CCR3: variants seen among roughly 807,000 people sequenced by gnomAD.
CCR3 encodes the protein C-C motif chemokine receptor 3.
For synonymous variants in CCR3, 203 were observed against 179.2 expected (o/e 1.13, Z -1.06); for missense variants, 419 against 437.5 (o/e 0.96, Z 0.38).
chr3:46,218,472 A>G (rs1699800199), intron 2 of CCR3, among the ~76,000 whole-genome samples: 1 of 152,164 alleles, frequency 6.6e-6, no homozygotes, highest in Admixed American at 6.5e-5. Flanking sequence ...AAATCATTCT[A>G]TGAAGCTAGT....
At chr3:46,229,353 G>A (rs1699936492) in intron 2 of CCR3, among the ~76,000 whole-genome samples, 2 of 152,202 alleles carry the variant, frequency 1.3e-5, no homozygotes. Context: ...ACACTCCTAA[G>A]TGTTTAAGTC....
At position 46,265,445 on chromosome 3, in the gene CCR3, G is replaced by A; in HGVS notation, c.287G>A (p.Gly96Glu). 4 of 1,614,120 alleles carry A rather than the reference G, an allele frequency of 2.5e-6. No homozygotes were observed. Among genetic ancestry groups the A allele is most frequent in the Non-Finnish European group, 2.5e-6 (3 of 1,180,014 alleles). The change falls in exon 2 of 2, where the codon GGG becomes GAG. Residue 96 changes from glycine (G) to glutamate (E), a missense_variant. By Grantham distance (98) the Gly-to-Glu change is moderately conservative (BLOSUM62 -2). Coordinates refer to ENST00000395940, the MANE Select transcript of CCR3 (RefSeq NM_178329.3). ...CCATTCTGGATCCACTATGTCAGGGGGCATAACTGGGTTTTTGGCCATGGC... is the reference window on the plus strand; with the variant it reads ...CCATTCTGGATCCACTATGTCAGGGAGCATAACTGGGTTTTTGGCCATGGC... ...TLPFWIHYVRGHNWVFGHGMC... is the reference protein window; with the variant it reads ...TLPFWIHYVREHNWVFGHGMC...
At chr3:46,211,914 C>T (rs942050430) in intron 2 of CCR3, among the ~76,000 whole-genome samples, 7 of 152,176 alleles carry the variant, frequency 4.6e-5, no homozygotes, top group Non-Finnish European at 1.0e-4. Flanking sequence ...CAATAAGGTG[C>T]ACACCTGAAG....
At chr3:46,244,512 GTAGA>G (rs1375688302) in intron 1 of CCR3, among the ~76,000 whole-genome samples, 5 of 152,168 alleles carry the variant, frequency 3.3e-5, no homozygotes, top group Middle Eastern at 3.2e-3. Flanking sequence ...TAGGATTTGG[GTAGA>G]TAAAGGAAAA....
intron 2 of CCR3, among the ~76,000 whole-genome samples, chr3:46,222,515 C>T (rs1047142774): frequency 3.9e-5 from 6 of 152,244 alleles, no homozygotes; most frequent in African/African-American, 1.4e-4. Context: ...CTCCAGAGTC[C>T]CTTAATCTTT....
rs199999286 is a variant in CCR3, at chr3:46,265,592, G to A, written c.434G>A (p.Arg145Gln). The change falls in exon 2 of 2, where the codon CGG becomes CAG. Residue 145 changes from arginine (R) to glutamine (Q), a missense_variant. Coordinates refer to ENST00000395940, the MANE Select transcript of CCR3 (RefSeq NM_178329.3). ...CATGCTGTGTTTGCCCTTCGAGCCC[G>A]GACTGTCACTTTTGGTGTCATCACC... ...IVHAVFALRA[R>Q]TVTFGVITSI... 1.1e-4 allele frequency: 171 copies of A among 1,613,952 alleles called. No individual in the cohort carries two copies. The highest frequency in any genetic ancestry group is 1.3e-4 in the Non-Finnish European group (149 of 1,180,024).
At chr3:46,264,844 C>A in intron 1 of CCR3, 1 of 397,362 alleles carries the variant, frequency 2.5e-6, no homozygotes, top group South Asian at 4.2e-5. Flanking sequence ...CTGTTTTTTC[C>A]TGTTTTGTAT....
chr3:46,225,123 C>T (rs1699879555), intron 2 of CCR3, among the ~76,000 whole-genome samples: 1 of 152,186 alleles, frequency 6.6e-6, no homozygotes, highest in African/African-American at 2.4e-5. Context: ...ATTGCTACTG[C>T]ATGCTACATA....
intron 2 of CCR3, among the ~76,000 whole-genome samples, chr3:46,221,562 A>C (rs1171654856): frequency 6.6e-6 from 1 of 152,204 alleles, no homozygotes; most frequent in Non-Finnish European, 1.5e-5. Flanking sequence ...TCACACAAAC[A>C]GTTCAAACCA....
intron 1 of CCR3, among the ~76,000 whole-genome samples, chr3:46,255,499 G>A (rs967331094): frequency 6.6e-6 from 1 of 151,936 alleles, no homozygotes; most frequent in African/African-American, 2.4e-5. Context: ...GTTCTTTTGA[G>A]GTTATCTTCT....
intron 2 of CCR3, among the ~76,000 whole-genome samples, chr3:46,225,703 T>C (rs1490780490): frequency 6.6e-6 from 1 of 152,256 alleles, no homozygotes; most frequent in East Asian, 1.9e-4. Flanking sequence ...TGGTTATCTG[T>C]ATATCCTCTT....
At chr3:46,260,578 C>T (rs1316310082) in intron 1 of CCR3, among the ~76,000 whole-genome samples, 1 of 152,210 alleles carries the variant, frequency 6.6e-6, no homozygotes, top group African/African-American at 2.4e-5. Context: ...CCAGAATGAT[C>T]TCCTTTGACT....
At chr3:46,242,606 C>A (rs1322108747) in intron 1 of CCR3, 68 bp downstream of exon 1, 1 of 150,534 alleles carries the variant, frequency 6.6e-6, no homozygotes. Flanking sequence ...GAAGTAGTAA[C>A]TTCCAGCAGT....
chr3:46,226,607 T>G (rs1201238177), intron 2 of CCR3, among the ~76,000 whole-genome samples: 1 of 152,194 alleles, frequency 6.6e-6, no homozygotes. Context: ...AGGGACAGTT[T>G]TATTTCCTCC....
At chr3:46,248,596 T>C (rs963697866) in intron 1 of CCR3, among the ~76,000 whole-genome samples, 2 of 152,142 alleles carry the variant, frequency 1.3e-5, no homozygotes, top group African/African-American at 4.8e-5. Context: ...TGTGTTTTTA[T>C]GAGAATTATG....
chr3:46,211,823 T>C (rs974948151), intron 2 of CCR3, among the ~76,000 whole-genome samples: 2 of 152,150 alleles, frequency 1.3e-5, no homozygotes, highest in Non-Finnish European at 2.9e-5. Context: ...CCCAGAAGAT[T>C]CTTCTCCACC....
chr3:46,249,981 G>C (rs1360125558), intron 1 of CCR3, among the ~76,000 whole-genome samples: 1 of 152,076 alleles, frequency 6.6e-6, no homozygotes, highest in Non-Finnish European at 1.5e-5. Flanking sequence ...GTCGGGAGCA[G>C]ATTGGGTAAT....
intron 2 of CCR3, among the ~76,000 whole-genome samples, chr3:46,235,319 G>A (rs1478136588): frequency 6.6e-6 from 1 of 152,186 alleles, no homozygotes; most frequent in Non-Finnish European, 1.5e-5. Flanking sequence ...AAATGCCACA[G>A]GAGTGTGGAA....
At chr3:46,211,250 G>T (rs1350165498) in intron 2 of CCR3, among the ~76,000 whole-genome samples, 5 of 149,564 alleles carry the variant, frequency 3.3e-5, no homozygotes, top group Non-Finnish European at 5.9e-5. Context: ...CCAGGCTGGG[G>T]TGCAGTAGCA....
Sources: allele counts gnomAD v4.1 joint callset (sites outside exome capture counted in the v4.1 genomes callset), GRCh38; gene constraint gnomAD v4.1.1; transcripts MANE v1.5; gene names NCBI Gene and HGNC (gene_info 2026-07-23, HGNC 2026-07-21).